Variants in ATP8B1 observed in about 807,000 individuals in gnomAD.
ATP8B1 encodes ATPase phospholipid transporting 8B1.
In ATP8B1, 80 loss-of-function variants were observed where a neutral mutation model predicts 149.9. The observed-to-expected ratio is 0.53, with a 90% CI of 0.45 to 0.64. The LOEUF (loss-of-function observed/expected upper bound fraction) is 0.64, where lower values mean the gene tolerates loss of function less well. Ranked by LOEUF, ATP8B1 falls within the 30% of genes least tolerant of loss-of-function variation. The pLI is 0.00. For synonymous variants in ATP8B1, 536 were observed against 562.8 expected, an observed-to-expected ratio of 0.95 and a Z score of 0.67; for missense variants, 1,247 against 1,552.6, an observed-to-expected ratio of 0.80 and a Z score of 3.31.
At chr18:57,761,944 T>TAAAAA (rs71171087) in intron 1 of ATP8B1, among the ~76,000 whole-genome samples, 1 of 98,218 alleles carries the variant, frequency 1.0e-5, no homozygotes, top group Non-Finnish European at 1.9e-5. Flanking sequence ...GCAAGACTGT[T>TAAAAA]AAAAAAAAAA....
chr18:57,716,555 T>C (rs142618724), intron 2 of ATP8B1, among the ~76,000 whole-genome samples: 1,580 of 151,978 alleles, frequency 0.01, 27 homozygotes, highest in African/African-American at 0.036. Context: ...TCAGACAAAA[T>C]AGATTTCAAG....
intron 1 of ATP8B1, among the ~76,000 whole-genome samples, chr18:57,792,276 T>C (rs1035443042): frequency 5.9e-5 from 9 of 152,010 alleles, no homozygotes; most frequent in Non-Finnish European, 8.8e-5. Context: ...TATTGACAAA[T>C]AATACAATAA....
chr18:57,746,631 A>G (rs924488975), intron 1 of ATP8B1, among the ~76,000 whole-genome samples: 4 of 151,848 alleles, frequency 2.6e-5, no homozygotes, highest in Non-Finnish European at 5.9e-5. Flanking sequence ...CTATGTCACC[A>G]AGCCCAGCTA....
chr18:57,725,268 A>T (rs1380511007), intron 2 of ATP8B1, among the ~76,000 whole-genome samples: 4 of 150,984 alleles, frequency 2.6e-5, no homozygotes, highest in South Asian at 2.1e-4. Context: ...AAAAGAAAAA[A>T]AATAATCCCA....
chr18:57,688,206 G>C (rs1483567104), intron 13 of ATP8B1, 93 bp downstream of exon 13: 5 of 1,371,928 alleles, frequency 3.6e-6, no homozygotes, highest in African/African-American at 2.9e-5. Context: ...GAGGGCACCA[G>C]CAATGCCAGG....
In ATP8B1 at chr18:57,778,936, C is replaced by G. The variant is rs1238760422; in HGVS notation, c.-26+24062G>C. On this transcript the variant is annotated intron_variant, in intron 1 of 27. Coordinates refer to ENST00000648908, the MANE Select transcript of ATP8B1 (RefSeq NM_001374385.1). ...GATTTCCCAGAAACAGAAGAAATCACAAATTACACTTCACAAGAATCCTGA... is the reference window on the plus strand; with the variant it reads ...GATTTCCCAGAAACAGAAGAAATCAGAAATTACACTTCACAAGAATCCTGA... Among the ~76,000 whole-genome samples, 5 of 152,138 alleles carry G rather than the reference C, an allele frequency of 3.3e-5. 1 individual carries two copies. The highest frequency in any genetic ancestry group is 3.3e-4 in the Admixed American group (5 of 15,276).
intron 22 of ATP8B1, chr18:57,659,814 G>A (rs1277284875): frequency 6.6e-6 from 1 of 152,160 alleles, no homozygotes; most frequent in East Asian, 1.9e-4. Flanking sequence ...AGGAGGAGGA[G>A]ACTAAGAAAA....
chr18:57,676,791 G>T (rs1057168474), intron 15 of ATP8B1, among the ~76,000 whole-genome samples: 4 of 149,864 alleles, frequency 2.7e-5, no homozygotes, highest in Admixed American at 2.7e-4. Flanking sequence ...ATCACTATCC[G>T]ATATCTTAAT....
intron 1 of ATP8B1, among the ~76,000 whole-genome samples, chr18:57,734,853 C>T (rs997294051): frequency 2.0e-5 from 3 of 152,116 alleles, no homozygotes; most frequent in South Asian, 4.1e-4. Flanking sequence ...TTTCCTAGGC[C>T]GACTATGAAT....
intron 23 of ATP8B1, 48 bp from the exon 24 acceptor site, chr18:57,654,123 C>T (rs546186936): frequency 3.4e-6 from 5 of 1,490,672 alleles, no homozygotes; most frequent in East Asian, 2.3e-5. Flanking sequence ...AGACACATGC[C>T]AGCCTAGTTA....
chr18:57,687,212 A>C (rs1912293922), intron 13 of ATP8B1, among the ~76,000 whole-genome samples: 1 of 152,198 alleles, frequency 6.6e-6, no homozygotes, highest in African/African-American at 2.4e-5. Flanking sequence ...TGCAAAATTG[A>C]AACTCTGTAC....
At position 57,705,117 on chromosome 18, in the gene ATP8B1, G is replaced by A. The variant is rs376180908; in HGVS notation, c.280-449C>T. Among the ~76,000 whole-genome samples the A allele has an allele frequency of 1.5e-3, 232 of 152,262 alleles. 1 individual carries two copies. The highest frequency in any genetic ancestry group is 5.2e-3 in the African/African-American group (218 of 41,548). On this transcript the variant is annotated intron_variant, in intron 3 of 27. Transcript: ENST00000648908. ...AGAAAGATACTGATATTTCTTTTAA[G>A]CTTTTAATTCTAGCCAAGCAGCCAA... is the stretch of plus-strand genomic sequence containing the variant.
intron 1 of ATP8B1, among the ~76,000 whole-genome samples, chr18:57,791,872 C>A (rs999575556): frequency 1.3e-5 from 2 of 152,144 alleles, no homozygotes; most frequent in South Asian, 4.1e-4. Context: ...TTTGTTTAGT[C>A]TCTATCTCTC....
chr18:57,665,759 G>A (rs544095001), intron 20 of ATP8B1, among the ~76,000 whole-genome samples: 1 of 152,082 alleles, frequency 6.6e-6, no homozygotes, highest in African/African-American at 2.4e-5. Flanking sequence ...CATCATATCA[G>A]TCAGGCTGTT....
chr18:57,706,381 C>CAGGCAGGTGGTTACGTGGA lies in ATP8B1; in HGVS notation c.279+90_279+108dup, dbSNP rs1433398485. On this transcript the variant is annotated intron_variant, in intron 3 of 27. Coordinates refer to ENST00000648908, the MANE Select transcript of ATP8B1 (RefSeq NM_001374385.1). The stretch of plus-strand genomic sequence containing the variant: ...AAACAATGATGATTATCAGTAGCCC[C>CAGGCAGGTGGTTACGTGGA]AGGCAGGTGGTTACGTGGAAGGCAG... The CAGGCAGGTGGTTACGTGGA allele has an allele frequency of 6.1e-6, 5 of 823,228 alleles. No homozygotes were observed. The African/African-American group carries it at 8.4e-5, about 14-fold the overall frequency. 51.0% of individuals were successfully genotyped at this position (823,228 alleles called of 1,614,324 possible).
intron 1 of ATP8B1, among the ~76,000 whole-genome samples, chr18:57,751,873 C>T (rs2080023681): frequency 6.6e-6 from 1 of 152,034 alleles, no homozygotes; most frequent in African/African-American, 2.4e-5. Context: ...TGCATTATGG[C>T]TTGTATTGTG....
Position 57,721,836 on chromosome 18 carries a change from C to G in ATP8B1, c.181+9791G>C, listed in dbSNP as rs1209501766. On this transcript the variant is annotated intron_variant, in intron 2 of 27. Transcript: ENST00000648908. The stretch of plus-strand genomic sequence containing the variant: ...ACCACACCTATTCCAAAATTGACCA[C>G]ATAGTTGGAAGTAAAGCTCTCCTCA... Among the ~76,000 whole-genome samples, 604 of 87,830 alleles carry G rather than the reference C, an allele frequency of 6.9e-3. 9 individuals are homozygous for G. The highest frequency in any genetic ancestry group is 0.027 in the African/African-American group (581 of 21,198). The allele number at this position is 87,830 out of a possible 152,430, so 57.6% of individuals were successfully genotyped here.
intron 2 of ATP8B1, among the ~76,000 whole-genome samples, chr18:57,717,548 A>C (rs1350775456): frequency 3.7e-4 from 3 of 8,008 alleles, no homozygotes; most frequent in Non-Finnish European, 1.0e-3. Flanking sequence ...ACTCTGTCTC[A>C]AAAAAAAAAA....
At chr18:57,797,604 GGGCTATCCCCCA>G (rs2080526927) in intron 1 of ATP8B1, among the ~76,000 whole-genome samples, 2 of 151,896 alleles carry the variant, frequency 1.3e-5, no homozygotes, top group African/African-American at 4.8e-5. Context: ...GAAGTGGCCT[GGGCTATCCCCCA>G]GGACCTAAAG....
Sources: gnomAD v4.1 joint callset for allele counts (sites outside exome capture counted in the v4.1 genomes callset) on GRCh38, gnomAD v4.1.1 for gene constraint, MANE v1.5 for transcripts, NCBI Gene and HGNC (gene_info 2026-07-23, HGNC 2026-07-21) for gene names.